The following DNAJC6 variants were observed in gnomAD, a reference collection of about 807,000 sequenced individuals.
DNAJC6 encodes the protein auxilin.
A neutral mutation model predicts 110.0 loss-of-function variants in DNAJC6; 34 were observed. That is an observed-to-expected ratio of 0.31 (90% CI 0.24 to 0.41). The LOEUF (loss-of-function observed/expected upper bound fraction) is 0.41, where lower values mean the gene tolerates loss of function less well. DNAJC6 is among the 10% of genes least tolerant of loss of function. The pLI is 1.00. For missense variants in DNAJC6, 1,031 were observed against 1,207.8 expected, an observed-to-expected ratio of 0.85 and a Z score of 2.17; for synonymous variants, 406 against 437.2, an observed-to-expected ratio of 0.93 and a Z score of 0.89.
At chr1:65,380,560 C>G (rs754803697) in intron 5 of DNAJC6, among the ~76,000 whole-genome samples, 1 of 152,178 alleles carries the variant, frequency 6.6e-6, no homozygotes, top group Non-Finnish European at 1.5e-5. Flanking sequence ...TTCCAAGGCA[C>G]AGCAGATGGT....
chr1:65,291,016 A>G (rs1644870173), intron 1 of DNAJC6, among the ~76,000 whole-genome samples: 1 of 152,228 alleles, frequency 6.6e-6, no homozygotes, highest in African/African-American at 2.4e-5. Flanking sequence ...AACTTGCAAA[A>G]TGTTTCAAAT....
chr1:65,279,806 A>G (rs1226653689), intron 1 of DNAJC6: 3 of 152,262 alleles, frequency 2.0e-5, no homozygotes, highest in African/African-American at 7.2e-5. Flanking sequence ...TTTCCAGAGC[A>G]TCCTGTGTTT....
rs864622011 is a variant in DNAJC6, at chr1:65,366,107, C to T, written c.454C>T (p.Arg152Ter). The T allele has an allele frequency of 1.9e-6, 3 of 1,613,868 alleles. No homozygotes were observed. Among genetic ancestry groups the T allele is most frequent in the South Asian group, 1.1e-5 (1 of 91,070 alleles). The change falls in exon 4 of 19, where the codon CGA (arginine) becomes TGA (stop). Residue 152 changes from arginine (R) to a stop codon, truncating the protein, a stop_gained. Coordinates refer to ENST00000371069, the MANE Select transcript of DNAJC6 (RefSeq NM_001256864.2). LOFTEE classifies it high-confidence loss of function. ...IGFRNQVDDI[R>*]SFLDSRHLDH... is the part of the protein sequence containing the mutation. ...ATTCAGGAATCAGGTTGATGACATTCGAAGCTTTTTGGATTCCAGACATCT... is the reference window on the plus strand; with the variant it reads ...ATTCAGGAATCAGGTTGATGACATTTGAAGCTTTTTGGATTCCAGACATCT...
chr1:65,269,756 A>G (rs931343020), intron 1 of DNAJC6, among the ~76,000 whole-genome samples: 7 of 152,182 alleles, frequency 4.6e-5, no homozygotes, highest in Non-Finnish European at 7.3e-5. Context: ...AGACTGGTCT[A>G]TGCCAGTGGT....
At chr1:65,332,553 A>G (rs780559712) in intron 1 of DNAJC6, among the ~76,000 whole-genome samples, 3 of 152,236 alleles carry the variant, frequency 2.0e-5, no homozygotes, top group Non-Finnish European at 4.4e-5. Flanking sequence ...CCCCTGAATC[A>G]ACGGCAATTT....
In DNAJC6 at chr1:65,309,668, C is replaced by A; in HGVS notation, c.-78C>A. On this transcript the variant is annotated 5_prime_UTR_variant, in exon 1 of 19. Coordinates refer to ENST00000371069, the MANE Select transcript of DNAJC6 (RefSeq NM_001256864.2). ...CTTAATTTTTTTTTTTTTTTAATTCCTTCTTCAGCCCTTTCCACCTTCCAT... is the reference window on the plus strand; with the variant it reads ...CTTAATTTTTTTTTTTTTTTAATTCATTCTTCAGCCCTTTCCACCTTCCAT... The A allele has an allele frequency of 7.0e-7, 1 of 1,434,906 alleles. No individual in the cohort carries two copies. Among genetic ancestry groups the A allele is most frequent in the Non-Finnish European group, 9.1e-7 (1 of 1,094,412 alleles). 88.9% of individuals were successfully genotyped at this position (1,434,906 alleles called of 1,614,324 possible). A position where few individuals can be genotyped will look rare whatever the true frequency, so the allele number is the denominator to read the frequency against.
chr1:65,345,178 A>G (rs1645425694), intron 1 of DNAJC6, among the ~76,000 whole-genome samples: 1 of 151,670 alleles, frequency 6.6e-6, no homozygotes, highest in Non-Finnish European at 1.5e-5. Flanking sequence ...GAACTGATGG[A>G]AGGTTGTGGC....
intron 4 of DNAJC6, among the ~76,000 whole-genome samples, chr1:65,368,958 G>A (rs1645679525): frequency 6.6e-6 from 1 of 151,850 alleles, no homozygotes; most frequent in African/African-American, 2.4e-5. Context: ...ATTTAGTAGA[G>A]ACGATTTTGC....
At chr1:65,404,783 A>G (rs1646059750) in intron 15 of DNAJC6, among the ~76,000 whole-genome samples, 1 of 152,214 alleles carries the variant, frequency 6.6e-6, no homozygotes, top group Non-Finnish European at 1.5e-5. Flanking sequence ...GTAAATGAAC[A>G]TGACATTTGG....
chr1:65,273,169 C>CT (rs1225151448), intron 1 of DNAJC6, among the ~76,000 whole-genome samples: 3 of 152,064 alleles, frequency 2.0e-5, no homozygotes, highest in African/African-American at 4.8e-5. Flanking sequence ...TGAGTTCTTG[C>CT]TTTTGTCTTT....
intron 1 of DNAJC6, among the ~76,000 whole-genome samples, chr1:65,302,098 A>T (rs1401606868): frequency 3.3e-5 from 1 of 29,932 alleles, no homozygotes; most frequent in African/African-American, 4.8e-4. Context: ...TATTATATAT[A>T]TAATATATAA....
At chr1:65,360,312 T>C (rs1232438145) in intron 1 of DNAJC6, among the ~76,000 whole-genome samples, 1 of 152,222 alleles carries the variant, frequency 6.6e-6, no homozygotes, top group African/African-American at 2.4e-5. Context: ...AGATGGACTC[T>C]GGCAAGTTGT....
At chr1:65,291,341 G>A (rs1644873269) in intron 1 of DNAJC6, among the ~76,000 whole-genome samples, 2 of 152,078 alleles carry the variant, frequency 1.3e-5, no homozygotes, top group Non-Finnish European at 2.9e-5. Context: ...CCAAATTATT[G>A]AATTTATACA....
intron 1 of DNAJC6, among the ~76,000 whole-genome samples, chr1:65,310,726 G>C (rs956916761): frequency 2.6e-5 from 4 of 152,150 alleles, no homozygotes; most frequent in South Asian, 4.1e-4. Flanking sequence ...TGGCATTTGC[G>C]ATTTCAATAG....
chr1:65,273,659 C>A (rs1653576871), intron 1 of DNAJC6, among the ~76,000 whole-genome samples: 1 of 151,932 alleles, frequency 6.6e-6, no homozygotes, highest in South Asian at 2.1e-4. Flanking sequence ...TTTGTGTACA[C>A]CTGCAAGTAT....
rs1646100700 is a variant in DNAJC6 at position 65,408,798 on chromosome 1, T to C, written c.2634+15T>C. 1.2e-6 allele frequency: 2 copies of C among 1,610,280 alleles called. No homozygotes were observed. The stretch of plus-strand genomic sequence containing the variant: ...AGAAATTAAAGGTGAGTGAGGCCCC[T>C]GACGCAGCTTGATTATCCTATATGA... On this transcript the variant is annotated intron_variant, in intron 17 of 18. Transcript: ENST00000371069.
chr1:65,362,295 A>G (rs888146573), intron 1 of DNAJC6, among the ~76,000 whole-genome samples: 2 of 152,226 alleles, frequency 1.3e-5, no homozygotes, highest in Non-Finnish European at 2.9e-5. Flanking sequence ...GAATATAGAT[A>G]AAATGCTTAG....
chr1:65,324,541 T>C lies in DNAJC6; in HGVS notation c.193+14603T>C, dbSNP rs561108408. ...GGTTGGCTAATTTTTGTATTTTTAG[T>C]AGAGACGGGGTTTCACCATCTTGGC... On this transcript the variant is annotated intron_variant, in intron 1 of 18. Transcript: ENST00000371069. Among the ~76,000 whole-genome samples the C allele has an allele frequency of 7.9e-3, 1,204 of 152,176 alleles. 8 individuals are homozygous for C. The highest frequency in any genetic ancestry group is 0.028 in the South Asian group (137 of 4,818).
intron 1 of DNAJC6, among the ~76,000 whole-genome samples, chr1:65,296,929 T>A (rs1644934962): frequency 3.3e-5 from 5 of 152,124 alleles, no homozygotes; most frequent in Admixed American, 2.6e-4. Flanking sequence ...GTGTCAGGCA[T>A]GGAGTTAGGT....
Sources: gnomAD v4.1 joint callset for allele counts (sites outside exome capture counted in the v4.1 genomes callset) on GRCh38, gnomAD v4.1.1 for gene constraint, MANE v1.5 for transcripts, NCBI Gene and HGNC (gene_info 2026-07-23, HGNC 2026-07-21) for gene names.